ANKRD11: variants seen among roughly 807,000 people sequenced by gnomAD.
ANKRD11 encodes the protein ankyrin repeat domain 11, also known as ankyrin repeat domain-containing protein 11.
ANKRD11 carries 17 observed loss-of-function variants against 195.7 expected under a neutral mutation model. The ratio of observed to expected loss-of-function variants is 0.09; its 90% CI spans 0.06 to 0.13. The LOEUF (loss-of-function observed/expected upper bound fraction) is 0.13. Ranked by LOEUF, ANKRD11 falls within the 10% of genes least tolerant of loss-of-function variation. ANKRD11 has a pLI of 1.00. For synonymous variants in ANKRD11, 1,953 were observed against 1,528.1 expected (o/e 1.28, Z -6.49); for missense variants, 3,735 against 3,566.1 (o/e 1.05, Z -1.21).
At chr16:89,484,817 C>G (rs566293475) in intron 1 of ANKRD11, among the ~76,000 whole-genome samples, 1 of 152,120 alleles carries the variant, frequency 6.6e-6, no homozygotes, top group African/African-American at 2.4e-5. Flanking sequence ...TGAGAAAAAG[C>G]CAACATTTTC....
At chr16:89,360,607 A>C (rs2039687466) in intron 2 of ANKRD11, 1 of 152,236 alleles carries the variant, frequency 6.6e-6, no homozygotes, top group Non-Finnish European at 1.5e-5. Context: ...GAATGACAGC[A>C]TTCTAGAAGC....
chr16:89,334,144 T>TAAAAAAAAAA lies in ANKRD11; in HGVS notation c.-59-17076_-59-17067dup, dbSNP rs869142504. Among the ~76,000 whole-genome samples, 191 of 41,402 alleles carry TAAAAAAAAAA rather than the reference T, an allele frequency of 4.6e-3. 32 individuals carry two copies. Among genetic ancestry groups the TAAAAAAAAAA allele is most frequent in the African/African-American group, 0.017 (181 of 10,436 alleles). 27.2% of individuals were successfully genotyped at this position (41,402 alleles called of 152,430 possible). A position where few individuals can be genotyped will look rare whatever the true frequency, so the allele number is the denominator to read the frequency against. On this transcript the variant is annotated intron_variant, in intron 2 of 12. Coordinates refer to ENST00000301030, the MANE Select transcript of ANKRD11 (RefSeq NM_013275.6). Reference sequence around the variant, plus strand: ...GGTAACATGATGAAACCCTGTGTTTTAAAAAAAAAAAAAAAAAAAAAAAAA... The same window carrying TAAAAAAAAAA: ...GGTAACATGATGAAACCCTGTGTTTTAAAAAAAAAAAAAAAAAAAAAAAAAAAAAAAAAAA...
intron 2 of ANKRD11, chr16:89,323,404 C>A: frequency 8.3e-7 from 1 of 1,209,914 alleles, no homozygotes; most frequent in Non-Finnish European, 1.1e-6. Context: ...GCAAGCAGCC[C>A]AGGGCAGGGG....
intron 1 of ANKRD11, among the ~76,000 whole-genome samples, chr16:89,439,114 C>A (rs980293825): frequency 2.0e-5 from 3 of 151,860 alleles, no homozygotes; most frequent in Non-Finnish European, 4.4e-5. Context: ...CAATGGGAAA[C>A]TCCCTCTGTG....
chr16:89,485,357 G>C (rs980733041), intron 1 of ANKRD11, among the ~76,000 whole-genome samples: 6 of 151,858 alleles, frequency 4.0e-5, no homozygotes, highest in Non-Finnish European at 7.4e-5. Flanking sequence ...AACTGGGAGT[G>C]GTGGTATGGG....
At chr16:89,370,302 G>A (rs2040138168) in intron 2 of ANKRD11, among the ~76,000 whole-genome samples, 1 of 152,318 alleles carries the variant, frequency 6.6e-6, no homozygotes, top group South Asian at 2.1e-4. Flanking sequence ...CTCTGAGGAT[G>A]AGAAGATGTT....
At chr16:89,484,772 A>G (rs529414300) in intron 1 of ANKRD11, among the ~76,000 whole-genome samples, 29 of 152,362 alleles carry the variant, frequency 1.9e-4, no homozygotes, top group Non-Finnish European at 3.7e-4. Flanking sequence ...TTACCATGAC[A>G]AAAGAAATTT....
chr16:89,286,348 C>T (rs892608293), intron 7 of ANKRD11, 162 bp from the exon 8 acceptor site: 21 of 1,050,206 alleles, frequency 2.0e-5, no homozygotes, highest in South Asian at 8.0e-5. Flanking sequence ...GACTGCCTGG[C>T]GAGGCTCTGG....
At chr16:89,442,043 G>C (rs1201364600) in intron 1 of ANKRD11, among the ~76,000 whole-genome samples, 1 of 152,144 alleles carries the variant, frequency 6.6e-6, no homozygotes, top group Non-Finnish European at 1.5e-5. Flanking sequence ...TAAGATCCAA[G>C]AAATAAACTT....
intron 1 of ANKRD11, 100 bp from the exon 2 acceptor site, chr16:89,418,468 C>CT: frequency 2.9e-6 from 1 of 350,090 alleles, no homozygotes; most frequent in Non-Finnish European, 5.8e-6. Flanking sequence ...CGGTTTATTC[C>CT]ATCGCCCTTC....
chr16:89,364,720 G>C (rs760547761), intron 2 of ANKRD11, among the ~76,000 whole-genome samples: 2 of 152,264 alleles, frequency 1.3e-5, no homozygotes, highest in Non-Finnish European at 2.9e-5. Flanking sequence ...AGCTGCCATG[G>C]GCCGCGGGCT....
intron 1 of ANKRD11, among the ~76,000 whole-genome samples, chr16:89,437,143 C>T (rs1053581423): frequency 6.6e-6 from 1 of 152,164 alleles, no homozygotes. Flanking sequence ...GGGAACGAAG[C>T]GAACAGATCC....
intron 3 of ANKRD11, among the ~76,000 whole-genome samples, chr16:89,306,243 CTCCCACTCCGCAGACACGCGCCACT>C (rs1567616288): frequency 2.9e-4 from 30 of 103,658 alleles, no homozygotes; most frequent in African/African-American, 7.8e-4. Context: ...CACGCGCCAC[CTCCCACTCCGCAGACACGCGCCACT>C]TACCTCCCCC....
rs552562687 is a variant in ANKRD11 at position 89,336,756 on chromosome 16, T to A, written c.-59-19678A>T. Among the ~76,000 whole-genome samples, 41 of 152,274 alleles carry A rather than the reference T, an allele frequency of 2.7e-4. 1 individual carries two copies. In the South Asian group the frequency reaches 8.1e-3, roughly 30 times the overall value. ...CTCTACCTATCTGCTTCTAATGTTC[T>A]GACTACATGAGAGATGATAAAAGGG... On this transcript the variant is annotated intron_variant, in intron 2 of 12. Coordinates refer to ENST00000301030, the MANE Select transcript of ANKRD11 (RefSeq NM_013275.6).
chr16:89,448,807 C>T (rs2043924571), intron 1 of ANKRD11, among the ~76,000 whole-genome samples: 1 of 152,156 alleles, frequency 6.6e-6, no homozygotes, highest in African/African-American at 2.4e-5. Context: ...GCCCCGTCCA[C>T]CGGAGCGCAC....
At chr16:89,306,560 G>A (rs2036262590) in intron 3 of ANKRD11, among the ~76,000 whole-genome samples, 1 of 75,286 alleles carries the variant, frequency 1.3e-5, no homozygotes, top group African/African-American at 5.4e-5. Flanking sequence ...CTCCCACTCC[G>A]CAGACACGCG....
At chr16:89,448,909 G>A (rs760308497) in intron 1 of ANKRD11, among the ~76,000 whole-genome samples, 1 of 152,102 alleles carries the variant, frequency 6.6e-6, no homozygotes, top group South Asian at 2.1e-4. Context: ...GCAGTGCCCC[G>A]GACCTGGCAT....
At chr16:89,322,797 G>A (rs1237285908) in intron 2 of ANKRD11, among the ~76,000 whole-genome samples, 3 of 152,272 alleles carry the variant, frequency 2.0e-5, no homozygotes, top group Non-Finnish European at 4.4e-5. Context: ...TGGCCTGCCT[G>A]CAGCACACGG....
intron 12 of ANKRD11, among the ~76,000 whole-genome samples, 181 bp from the exon 13 acceptor site, chr16:89,268,844 C>G (rs1489477748): frequency 2.0e-5 from 3 of 152,254 alleles, no homozygotes; most frequent in Non-Finnish European, 4.4e-5. Context: ...GTAGCGCCAG[C>G]TGTGCTACAT....
Sources: allele counts gnomAD v4.1 joint callset (sites outside exome capture counted in the v4.1 genomes callset), GRCh38; gene constraint gnomAD v4.1.1; transcripts MANE v1.5; gene names NCBI Gene and HGNC (gene_info 2026-07-23, HGNC 2026-07-21).